PTPRD: variants seen among roughly 807,000 people sequenced by gnomAD.
PTPRD encodes receptor-type tyrosine-protein phosphatase delta.
Under a neutral mutation model 214.5 loss-of-function variants are expected in PTPRD, and 34 were observed. The observed-to-expected ratio is 0.16, with a 90% CI of 0.12 to 0.21. The LOEUF is 0.21. PTPRD is among the 10% of genes least tolerant of loss of function. The pLI is 1.00. For synonymous variants in PTPRD, 1,128 were observed against 845.7 expected (o/e 1.33, Z -5.79); for missense variants, 2,545 against 2,398.7 (o/e 1.06, Z -1.27).
chr9:8,810,095 C>T (rs530933726), intron 11 of PTPRD, among the ~76,000 whole-genome samples: 1 of 152,312 alleles, frequency 6.6e-6, no homozygotes, highest in Admixed American at 6.5e-5. Flanking sequence ...TGGACGTTTA[C>T]TACTGCAGGG....
At chr9:8,466,772 C>T (rs1458297675) in intron 31 of PTPRD, among the ~76,000 whole-genome samples, 2 of 151,706 alleles carry the variant, frequency 1.3e-5, no homozygotes, top group African/African-American at 2.4e-5. Context: ...TTGTCTTCAC[C>T]TTGATAAACA....
At chr9:10,084,244 G>A (rs1262697102) in intron 3 of PTPRD, among the ~76,000 whole-genome samples, 2 of 151,862 alleles carry the variant, frequency 1.3e-5, no homozygotes, top group East Asian at 1.9e-4. Flanking sequence ...TATCTTTTCT[G>A]AAGTACAGAA....
intron 3 of PTPRD, among the ~76,000 whole-genome samples, chr9:10,060,136 C>A (rs1006166111): frequency 6.6e-6 from 1 of 151,928 alleles, no homozygotes; most frequent in Non-Finnish European, 1.5e-5. Context: ...CTTTGTCTAC[C>A]AAAGCAAAAC....
intron 3 of PTPRD, among the ~76,000 whole-genome samples, chr9:10,311,038 C>A (rs921152724): frequency 3.3e-5 from 5 of 151,942 alleles, no homozygotes; most frequent in African/African-American, 1.2e-4. Flanking sequence ...AATGTGGATG[C>A]AAGATCCAAC....
chr9:8,461,881 C>A (rs940812577), intron 32 of PTPRD, among the ~76,000 whole-genome samples: 3 of 151,936 alleles, frequency 2.0e-5, no homozygotes, highest in African/African-American at 7.3e-5. Flanking sequence ...AACTCCTGGT[C>A]TCAAACAATC....
intron 7 of PTPRD, among the ~76,000 whole-genome samples, chr9:9,600,059 T>G (rs187994295): frequency 4.9e-4 from 75 of 152,160 alleles, no homozygotes; most frequent in African/African-American, 1.8e-3. Flanking sequence ...CAATAAATTT[T>G]TGAAACATTG....
intron 3 of PTPRD, among the ~76,000 whole-genome samples, chr9:10,124,534 A>T (rs2098800700): frequency 2.0e-5 from 3 of 152,164 alleles, no homozygotes; most frequent in Admixed American, 2.0e-4. Context: ...TTATCCGTCA[A>T]ATCCATAGTT....
At chr9:8,435,580 A>G (rs948742591) in intron 35 of PTPRD, among the ~76,000 whole-genome samples, 4 of 152,178 alleles carry the variant, frequency 2.6e-5, no homozygotes, top group African/African-American at 9.7e-5. Context: ...TAGAAAAAAC[A>G]ATTATCGTCC....
At position 9,841,546 on chromosome 9, in the gene PTPRD, G is replaced by A. The variant is rs144632809; in HGVS notation, c.-367-74695C>T. Among the ~76,000 whole-genome samples the A allele has an allele frequency of 1.6e-3, 246 of 152,148 alleles. 3 individuals are homozygous for A. Among genetic ancestry groups the A allele is most frequent in the Non-Finnish European group, 2.6e-3 (176 of 67,990 alleles). On this transcript the variant is annotated intron_variant, in intron 5 of 45. Transcript: ENST00000381196. ...TTATTTTTACATATTTCTGTTATTAGAATATATACGCTAGAACATGGACCT... is the reference window on the plus strand; with the variant it reads ...TTATTTTTACATATTTCTGTTATTAAAATATATACGCTAGAACATGGACCT...
At chr9:10,169,138 A>C (rs1593013331) in intron 3 of PTPRD, among the ~76,000 whole-genome samples, 1 of 152,140 alleles carries the variant, frequency 6.6e-6, no homozygotes, top group East Asian at 1.9e-4. Context: ...CATCCCCATT[A>C]ATGTATTGAT....
chr9:10,424,708 G>A (rs1317285033), intron 2 of PTPRD, among the ~76,000 whole-genome samples: 1 of 151,820 alleles, frequency 6.6e-6, no homozygotes, highest in Admixed American at 6.6e-5. Flanking sequence ...GCTCATAAAT[G>A]GTAAATGACC....
chr9:9,151,734 G>A (rs548451334), intron 10 of PTPRD, among the ~76,000 whole-genome samples: 1 of 152,236 alleles, frequency 6.6e-6, no homozygotes, highest in South Asian at 2.1e-4. Flanking sequence ...CAGCAAGATG[G>A]CACTTTGATA....
intron 5 of PTPRD, among the ~76,000 whole-genome samples, chr9:9,785,046 C>G (rs2098910464): frequency 6.6e-6 from 1 of 150,980 alleles, no homozygotes; most frequent in African/African-American, 2.4e-5. Context: ...TCCAACCTAG[C>G]TAGAGTCTTT....
intron 3 of PTPRD, among the ~76,000 whole-genome samples, chr9:10,154,113 A>C (rs994223265): frequency 4.6e-5 from 7 of 151,992 alleles, no homozygotes; most frequent in African/African-American, 1.7e-4. Flanking sequence ...GCACTTTTTT[A>C]CTGCAACTTC....
At chr9:9,822,586 T>C (rs1034394095) in intron 5 of PTPRD, among the ~76,000 whole-genome samples, 3 of 150,498 alleles carry the variant, frequency 2.0e-5, no homozygotes, top group African/African-American at 7.3e-5. Flanking sequence ...TTTTTTTCCT[T>C]TCTTCTTGTT....
chr9:10,360,898 C>A (rs142137636), intron 2 of PTPRD, among the ~76,000 whole-genome samples: 13 of 152,042 alleles, frequency 8.6e-5, no homozygotes, highest in African/African-American at 2.9e-4. Context: ...GTCAGGAGAT[C>A]GAGGCCATCC....
At chr9:8,554,157 C>A (rs1371022444) in intron 14 of PTPRD, among the ~76,000 whole-genome samples, 3 of 152,126 alleles carry the variant, frequency 2.0e-5, no homozygotes, top group African/African-American at 7.2e-5. Context: ...CATTGCATTC[C>A]AGCCTAAACG....
Position 9,933,145 on chromosome 9 carries a change from G to A in PTPRD, c.-368+5362C>T, listed in dbSNP as rs1336460594. On this transcript the variant is annotated intron_variant, in intron 5 of 45. Transcript: ENST00000381196. ...ATCATGCCAAAATGTAAAGACCATC[G>A]AGACTAGGAAGTAACTGCATCAACT... Among the ~76,000 whole-genome samples, 54 of 152,300 alleles carry A rather than the reference G, an allele frequency of 3.5e-4. No homozygotes were observed. In the South Asian group the frequency reaches 3.9e-3, roughly 11 times the overall value.
intron 5 of PTPRD, among the ~76,000 whole-genome samples, chr9:9,827,211 C>A (rs1480404419): frequency 1.3e-5 from 2 of 152,012 alleles, no homozygotes; most frequent in African/African-American, 4.8e-5. Context: ...CAATCCTAAG[C>A]CAAAAGAACA....
Sources: gnomAD v4.1 joint callset for allele counts (sites outside exome capture counted in the v4.1 genomes callset) on GRCh38, gnomAD v4.1.1 for gene constraint, MANE v1.5 for transcripts, NCBI Gene and HGNC (gene_info 2026-07-23, HGNC 2026-07-21) for gene names.